Variants in CLIC5 observed in about 807,000 individuals in gnomAD.
CLIC5 encodes chloride intracellular channel protein 5.
CLIC5 carries 20 observed loss-of-function variants against 24.7 expected under a neutral mutation model. The ratio of observed to expected loss-of-function variants is 0.81; its 90% confidence interval spans 0.57 to 1.18. The LOEUF is 1.18. CLIC5 is among the 50% of genes most tolerant of loss of function. The probability of loss-of-function intolerance (pLI) is 0.00; values close to 1 mark genes in which losing one functional copy is unlikely to be tolerated. For missense variants in CLIC5, 341 were observed against 326.1 expected, an observed-to-expected ratio of 1.05 and a Z score of -0.35; for synonymous variants, 159 against 135.6, an observed-to-expected ratio of 1.17 and a Z score of -1.20.
At chr6:45,897,250 A>G (rs558827439), downstream of CLIC5, among the ~76,000 whole-genome samples, 1 of 152,346 alleles carries the variant, frequency 6.6e-6, no homozygotes, top group South Asian at 2.1e-4. Context: ...ACAAGGGGAT[A>G]TTTCTCAGAA....
At chr6:45,969,350 T>G (rs2127401940) in intron 1 of CLIC5, among the ~76,000 whole-genome samples, 1 of 152,266 alleles carries the variant, frequency 6.6e-6, no homozygotes, top group Admixed American at 6.5e-5. Flanking sequence ...TCTCACAACT[T>G]CTCTGTAGCA....
the CLIC5 span, among the ~76,000 whole-genome samples, chr6:46,107,788 C>A: frequency 6.6e-6 from 1 of 152,040 alleles, no homozygotes; most frequent in Non-Finnish European, 1.5e-5. Flanking sequence ...GTAATCCCAG[C>A]ACTTTGGGAG....
chr6:45,988,482 A>G (rs112488172), intron 1 of CLIC5, among the ~76,000 whole-genome samples: 9 of 152,160 alleles, frequency 5.9e-5, no homozygotes, highest in African/African-American at 1.9e-4. Flanking sequence ...TTGATCAACT[A>G]TCTGGGCCTC....
At chr6:46,020,643 G>A (rs1400302485), upstream of CLIC5, among the ~76,000 whole-genome samples, 2 of 151,800 alleles carry the variant, frequency 1.3e-5, no homozygotes, top group African/African-American at 4.8e-5. Context: ...CTAGAGGCTG[G>A]TTTTTATCAA....
chr6:45,962,529 T>G (rs892068067), intron 1 of CLIC5, among the ~76,000 whole-genome samples: 1 of 148,980 alleles, frequency 6.7e-6, no homozygotes, highest in Non-Finnish European at 1.5e-5. Flanking sequence ...TCCAGAGTAA[T>G]GTCTGGTCAA....
intron 4 of CLIC5, among the ~76,000 whole-genome samples, chr6:45,926,818 A>T (rs921974201): frequency 2.6e-5 from 4 of 152,206 alleles, no homozygotes; most frequent in Non-Finnish European, 5.9e-5. Context: ...TAGTGAGGAG[A>T]GCTGCTCAGG....
intron 4 of CLIC5, chr6:45,914,695 G>T (rs1762953908): frequency 3.0e-6 from 1 of 329,118 alleles, no homozygotes; most frequent in Non-Finnish European, 4.5e-6. Flanking sequence ...GCTCACACCT[G>T]TAACCCCAGC....
the CLIC5 span, among the ~76,000 whole-genome samples, chr6:46,089,691 C>T: frequency 6.6e-6 from 1 of 152,108 alleles, no homozygotes; most frequent in Non-Finnish European, 1.5e-5. Context: ...CTGTTTCCTC[C>T]CCTTCTCCCA....
chr6:45,912,908 C>T (rs1465540709), intron 5 of CLIC5, among the ~76,000 whole-genome samples: 1 of 152,202 alleles, frequency 6.6e-6, no homozygotes, highest in Non-Finnish European at 1.5e-5. Flanking sequence ...GCATGATTCC[C>T]TCTCAGTCTT....
At chr6:46,101,548 C>T in the CLIC5 span, among the ~76,000 whole-genome samples, 1 of 152,164 alleles carries the variant, frequency 6.6e-6, no homozygotes, top group Non-Finnish European at 1.5e-5. Context: ...TTGGTTATTT[C>T]CAAGCTCCTT....
intron 1 of CLIC5, among the ~76,000 whole-genome samples, chr6:46,039,265 C>T (rs1025436892): frequency 5.3e-5 from 8 of 152,016 alleles, no homozygotes; most frequent in African/African-American, 1.7e-4. Context: ...TATTTACCTT[C>T]TGGATTTTAA....
At chr6:45,915,645 A>G (rs1302975161) in intron 4 of CLIC5, among the ~76,000 whole-genome samples, 1 of 152,224 alleles carries the variant, frequency 6.6e-6, no homozygotes, top group Non-Finnish European at 1.5e-5. Flanking sequence ...GAACACCCAA[A>G]GGAACATAAC....
intron 1 of CLIC5, among the ~76,000 whole-genome samples, chr6:46,068,530 A>C (rs527382216): frequency 6.6e-6 from 1 of 152,196 alleles, no homozygotes; most frequent in African/African-American, 2.4e-5. Flanking sequence ...AGCTAGGGAG[A>C]TATAAAGATA....
At chr6:45,940,009 A>G (rs3777574) in intron 4 of CLIC5, among the ~76,000 whole-genome samples, 13,138 of 152,018 alleles carry the variant, frequency 0.086, 1,201 homozygotes, top group East Asian at 0.37. Context: ...TTCTTGACAC[A>G]CACCTCTAAT....
intron 1 of CLIC5, among the ~76,000 whole-genome samples, chr6:46,021,584 C>T (rs371739555): frequency 1.8e-4 from 28 of 152,230 alleles, no homozygotes; most frequent in South Asian, 1.2e-3. Context: ...ATTTATGCAA[C>T]GGTATATCAC....
intron 1 of CLIC5, among the ~76,000 whole-genome samples, chr6:45,979,576 A>G (rs1344233512): frequency 6.6e-6 from 1 of 151,448 alleles, no homozygotes; most frequent in African/African-American, 2.4e-5. Context: ...TTCCTACTGC[A>G]TAAGATTAGC....
At chr6:45,912,693 G>A in intron 5 of CLIC5, 1 of 1,535,312 alleles carries the variant, frequency 6.5e-7, no homozygotes. Flanking sequence ...CTCTGACACA[G>A]TGTGACTGAG....
the CLIC5 span, among the ~76,000 whole-genome samples, chr6:46,104,536 A>G: frequency 6.6e-6 from 1 of 151,262 alleles, no homozygotes; most frequent in African/African-American, 2.4e-5. Context: ...CTGGTAATGA[A>G]TTTTGGGGGA....
intron 6 of CLIC5, among the ~76,000 whole-genome samples, chr6:45,884,121 G>T (rs1052261185): frequency 3.9e-5 from 6 of 152,304 alleles, no homozygotes; most frequent in Middle Eastern, 6.8e-3. Context: ...CCAGGGGCCT[G>T]GGCTCCTTCC....
Sources: allele counts gnomAD v4.1 joint callset (sites outside exome capture counted in the v4.1 genomes callset), GRCh38; gene constraint gnomAD v4.1.1; transcripts MANE v1.5; gene names NCBI Gene and HGNC (gene_info 2026-07-23, HGNC 2026-07-21).